The following UBL3 variants were observed in gnomAD, a reference collection of about 807,000 sequenced individuals.
UBL3 encodes ubiquitin like 3, also known as ubiquitin-like protein 3.
UBL3 carries 6 observed loss-of-function variants against 18.4 expected under a neutral mutation model. The ratio of observed to expected loss-of-function variants is 0.33; its 90% CI spans 0.18 to 0.64. UBL3 has a LOEUF of 0.64. Ranked by LOEUF, UBL3 falls within the 30% of genes least tolerant of loss-of-function variation. The probability of loss-of-function intolerance (pLI) is 0.76; values close to 1 mark genes in which losing one functional copy is unlikely to be tolerated. For missense variants in UBL3, 109 were observed against 142.9 expected, an observed-to-expected ratio of 0.76 and a Z score of 1.21; for synonymous variants, 49 against 46.6, an observed-to-expected ratio of 1.05 and a Z score of -0.21.
intron 1 of UBL3, among the ~76,000 whole-genome samples, chr13:29,827,749 T>C (rs1485452933): frequency 6.6e-6 from 1 of 152,202 alleles, no homozygotes; most frequent in Non-Finnish European, 1.5e-5. Flanking sequence ...GTTTGCTCAT[T>C]AGTTGATGCA....
chr13:29,814,945 A>G (rs1184269178), intron 1 of UBL3, among the ~76,000 whole-genome samples: 1 of 152,164 alleles, frequency 6.6e-6, no homozygotes, highest in Non-Finnish European at 1.5e-5. Flanking sequence ...CTGACCCTGC[A>G]TTGGCCAGTA....
intron 1 of UBL3, among the ~76,000 whole-genome samples, chr13:29,806,897 A>G (rs1314776883): frequency 6.6e-6 from 1 of 152,184 alleles, no homozygotes; most frequent in African/African-American, 2.4e-5. Context: ...TTTAAGTTTT[A>G]TAATAACCTC....
intron 1 of UBL3, among the ~76,000 whole-genome samples, chr13:29,797,510 C>A (rs977566768): frequency 6.6e-6 from 1 of 152,218 alleles, no homozygotes; most frequent in African/African-American, 2.4e-5. Flanking sequence ...AAATTCTGCA[C>A]TGACATTCCC....
chr13:29,845,865 T>G (rs1247665326), intron 1 of UBL3, among the ~76,000 whole-genome samples: 1 of 152,176 alleles, frequency 6.6e-6, no homozygotes, highest in African/African-American at 2.4e-5. Flanking sequence ...GCCATTATTC[T>G]CACACTGTCA....
At position 29,850,247 on chromosome 13, in the gene UBL3, GAC is replaced by G. The variant is rs1439373283; in HGVS notation, c.-711_-710del. The G allele has an allele frequency of 6.5e-6, 1 of 153,200 alleles. No homozygotes were observed. Among genetic ancestry groups the G allele is most frequent in the Non-Finnish European group, 1.5e-5 (1 of 68,620 alleles). 9.5% of individuals were successfully genotyped at this position (153,200 alleles called of 1,614,324 possible). The stretch of plus-strand genomic sequence containing the variant: ...CGCGGGGGTGCTCGGGGCCGGCCGG[GAC>G]ACTCCACAGCCCCTCTGGGCTCAGG... On this transcript the variant is annotated 5_prime_UTR_variant, in exon 1 of 5. Coordinates refer to ENST00000380680, the MANE Select transcript of UBL3 (RefSeq NM_007106.4).
intron 2 of UBL3, among the ~76,000 whole-genome samples, chr13:29,773,203 T>C (rs972885013): frequency 6.6e-5 from 10 of 152,200 alleles, no homozygotes; most frequent in Non-Finnish European, 1.3e-4. Context: ...TGCCCTTTTT[T>C]TGACTATTCA....
At chr13:29,783,134 T>C (rs532205401) in intron 1 of UBL3, among the ~76,000 whole-genome samples, 11 of 152,244 alleles carry the variant, frequency 7.2e-5, no homozygotes, top group African/African-American at 1.7e-4. Context: ...TGTTTCTTGG[T>C]AGTGCTGTGG....
intron 1 of UBL3, among the ~76,000 whole-genome samples, chr13:29,844,692 T>C (rs1879187739): frequency 6.6e-6 from 1 of 152,132 alleles, no homozygotes; most frequent in Non-Finnish European, 1.5e-5. Flanking sequence ...ACTCTTCATT[T>C]TTCCCTCCCA....
intron 1 of UBL3, among the ~76,000 whole-genome samples, chr13:29,807,458 T>C (rs1877924447): frequency 6.6e-6 from 1 of 152,208 alleles, no homozygotes; most frequent in Non-Finnish European, 1.5e-5. Flanking sequence ...TCAATTCTCA[T>C]TGCCTTTTAT....
intron 1 of UBL3, among the ~76,000 whole-genome samples, chr13:29,819,988 A>T (rs535212997): frequency 1.4e-4 from 22 of 152,338 alleles, no homozygotes; most frequent in African/African-American, 5.3e-4. Context: ...TAAGCTTTAT[A>T]GGATGATTTA....
intron 1 of UBL3, among the ~76,000 whole-genome samples, chr13:29,818,176 C>G (rs1878332650): frequency 6.6e-6 from 1 of 152,062 alleles, no homozygotes; most frequent in Non-Finnish European, 1.5e-5. Flanking sequence ...GCAAAAGTAG[C>G]TAAAAATAAG....
At chr13:29,808,129 T>C (rs1461568888) in intron 1 of UBL3, among the ~76,000 whole-genome samples, 1 of 152,180 alleles carries the variant, frequency 6.6e-6, no homozygotes, top group African/African-American at 2.4e-5. Flanking sequence ...GCAGCTTTCA[T>C]TACAATCTAT....
At chr13:29,787,585 T>TAGGA (rs766975659) in intron 1 of UBL3, among the ~76,000 whole-genome samples, 7 of 152,156 alleles carry the variant, frequency 4.6e-5, no homozygotes, top group Admixed American at 4.6e-4. Context: ...AACCTGACTG[T>TAGGA]AGGATATCCC....
chr13:29,811,602 T>C (rs1351779374), intron 1 of UBL3, among the ~76,000 whole-genome samples: 2 of 152,104 alleles, frequency 1.3e-5, no homozygotes, highest in Non-Finnish European at 2.9e-5. Flanking sequence ...CCTCACCAGT[T>C]GCTCTTCTTG....
At chr13:29,806,587 G>C (rs755202750) in intron 1 of UBL3, among the ~76,000 whole-genome samples, 2 of 152,170 alleles carry the variant, frequency 1.3e-5, no homozygotes, top group Non-Finnish European at 2.9e-5. Context: ...GTGCAGTGCT[G>C]AGGTGCAAGA....
At chr13:29,824,204 A>C (rs1388050876) in intron 1 of UBL3, among the ~76,000 whole-genome samples, 1 of 152,172 alleles carries the variant, frequency 6.6e-6, no homozygotes. Context: ...ATGATTTATA[A>C]TCCTTTGGGT....
chr13:29,773,167 A>T (rs949924688), intron 2 of UBL3, among the ~76,000 whole-genome samples: 1 of 152,214 alleles, frequency 6.6e-6, no homozygotes. Flanking sequence ...ACAGAAGATA[A>T]AGGAAGTAAC....
Position 29,849,833 on chromosome 13 carries a change from C to T in UBL3, c.-295G>A. ...GCAGCAGCAGCCCCAGGACCGGCCG[C>T]GCCAGGTGGACCGAGCCGAGTGACA... On this transcript the variant is annotated 5_prime_UTR_variant, in exon 1 of 5. Transcript: ENST00000380680. 1.9e-6 allele frequency: 1 copy of T among 531,712 alleles called. No homozygotes were observed. The highest frequency in any genetic ancestry group is 3.4e-6 in the Non-Finnish European group (1 of 297,110). The allele number at this position is 531,712 out of a possible 1,614,324, so 32.9% of individuals were successfully genotyped here.
At chr13:29,798,526 A>C (rs1361558557) in intron 1 of UBL3, among the ~76,000 whole-genome samples, 1 of 152,214 alleles carries the variant, frequency 6.6e-6, no homozygotes, top group East Asian at 1.9e-4. Flanking sequence ...ACAGTCCATA[A>C]GCTTACTAAC....
Sources: allele counts gnomAD v4.1 joint callset (sites outside exome capture counted in the v4.1 genomes callset), GRCh38; gene constraint gnomAD v4.1.1; transcripts MANE v1.5; gene names NCBI Gene and HGNC (gene_info 2026-07-23, HGNC 2026-07-21).